Variants in FZR1 observed in about 807,000 individuals in gnomAD.
The protein encoded by FZR1 is fizzy-related protein homolog.
Under a neutral mutation model 63.6 loss-of-function variants are expected in FZR1, and 11 were observed. The ratio of observed to expected loss-of-function variants is 0.17; its 90% CI spans 0.11 to 0.29. FZR1 has a LOEUF of 0.29. Among genes scored for constraint, FZR1 ranks in the 10% least tolerant of loss-of-function variants. The pLI, the probability that FZR1 is intolerant of heterozygous loss-of-function variation, is 1.00. For synonymous variants in FZR1, 328 were observed against 297.9 expected (o/e 1.10, Z -1.04); for missense variants, 440 against 687.5 (o/e 0.64, Z 4.03).
At chr19:3,511,494 G>A (rs911058770) in intron 1 of FZR1, among the ~76,000 whole-genome samples, 1 of 152,202 alleles carries the variant, frequency 6.6e-6, no homozygotes, top group Non-Finnish European at 1.5e-5. Flanking sequence ...CTTGAGCCCA[G>A]GAGTTTGAAA....
At position 3,532,679 on chromosome 19, in the gene FZR1, A is replaced by G. The variant is rs773698980; in HGVS notation, c.1242+29A>G. ...AGCACGGGCGGCCCGGCCTCCCACC[A>G]GGCCTCAGGATGTGCGTCCTGCTGG... On this transcript the variant is annotated intron_variant, in intron 11 of 13. Transcript: ENST00000441788. The G allele has an allele frequency of 3.3e-5, 50 of 1,502,464 alleles. No homozygotes were observed. The East Asian group carries it at 1.1e-3, about 33-fold the overall frequency. 93.1% of individuals were successfully genotyped at this position (1,502,464 alleles called of 1,614,324 possible).
chr19:3,507,833 C>G (rs1205457273), intron 1 of FZR1, among the ~76,000 whole-genome samples: 1 of 152,238 alleles, frequency 6.6e-6, no homozygotes, highest in Non-Finnish European at 1.5e-5. Context: ...TGTCAGGGGC[C>G]CGTGTGTTTT....
intron 13 of FZR1, 102 bp downstream of exon 13, chr19:3,534,615 C>T: frequency 1.1e-6 from 1 of 923,210 alleles, no homozygotes; most frequent in Non-Finnish European, 1.7e-6. Flanking sequence ...TGGGTTCCCC[C>T]ACTTCCGAGC....
intron 2 of FZR1, 83 bp downstream of exon 2, chr19:3,523,141 A>G (rs1486179234): frequency 8.0e-6 from 7 of 870,152 alleles, no homozygotes; most frequent in African/African-American, 1.6e-5. Context: ...AGGTGTCCCC[A>G]CTGTCACTAA....
At chr19:3,529,282 T>C (rs1182841409) in intron 7 of FZR1, among the ~76,000 whole-genome samples, 2 of 77,762 alleles carry the variant, frequency 2.6e-5, no homozygotes, top group African/African-American at 5.2e-5. Context: ...ATGAGAGTGG[T>C]TGAGGAAGTG....
At chr19:3,508,357 G>T (rs1306633007) in intron 1 of FZR1, among the ~76,000 whole-genome samples, 2 of 151,946 alleles carry the variant, frequency 1.3e-5, no homozygotes, top group African/African-American at 4.8e-5. Flanking sequence ...CACCACGCCC[G>T]GCTATTTTTG....
At chr19:3,532,354 G>A in intron 10 of FZR1, 63 bp from the exon 11 acceptor site, 1 of 1,341,328 alleles carries the variant, frequency 7.5e-7, no homozygotes. Flanking sequence ...TCACACCTGT[G>A]AGGACCGGCC....
At chr19:3,508,500 C>G (rs1430948506) in intron 1 of FZR1, among the ~76,000 whole-genome samples, 3 of 152,198 alleles carry the variant, frequency 2.0e-5, no homozygotes, top group Non-Finnish European at 2.9e-5. Context: ...CTCGGCCTTA[C>G]GTTGATTTTC....
In FZR1 at chr19:3,525,432, C is replaced by CTTTTTT. The variant is rs57486013; in HGVS notation, c.70-413_70-408dup. 1.3e-3 allele frequency among the ~76,000 whole-genome samples: 92 copies of CTTTTTT among 68,746 alleles called. 1 individual carries two copies. The highest frequency in any genetic ancestry group is 1.9e-3 in the East Asian group (4 of 2,158). The allele number at this position is 68,746 out of a possible 152,430, so 45.1% of individuals were successfully genotyped here. ...TGTGTGGCTCCCCTCCTTGGGTTTT[C>CTTTTTT]TTTTTTTTTTTTTTTTTTTTTTTTT... On this transcript the variant is annotated intron_variant, in intron 2 of 13. Transcript: ENST00000441788. The surrounding 1 kb of genome is among the most constrained non-coding windows in gnomAD (Gnocchi z 4.2).
chr19:3,508,930 C>T (rs1354981854), intron 1 of FZR1, among the ~76,000 whole-genome samples: 3 of 152,218 alleles, frequency 2.0e-5, no homozygotes, highest in East Asian at 1.9e-4. Flanking sequence ...GCTCCGCCTC[C>T]GGCCTGCTCA....
chr19:3,526,922 G>T lies in FZR1; in HGVS notation c.388-58G>T, dbSNP rs1184933279. The T allele has an allele frequency of 2.5e-6, 3 of 1,199,900 alleles. No individual in the cohort carries two copies. The Admixed American group carries it at 5.1e-5, about 20-fold the overall frequency. The allele number at this position is 1,199,900 out of a possible 1,614,324, so 74.3% of individuals were successfully genotyped here. ...TACCGGGAGCGTGGGCTGCTGGGGGGCTCTGAGGGTCCTGCGGCCTGGGCG... is the reference window on the plus strand; with the variant it reads ...TACCGGGAGCGTGGGCTGCTGGGGGTCTCTGAGGGTCCTGCGGCCTGGGCG... On this transcript the variant is annotated intron_variant, in intron 5 of 13. Coordinates refer to ENST00000441788, the MANE Select transcript of FZR1 (RefSeq NM_016263.4). The surrounding 1 kb of genome is among the most constrained non-coding windows in gnomAD (Gnocchi z 5.4).
chr19:3,526,981 A>T lies in FZR1; in HGVS notation c.389A>T (p.Tyr130Phe). 1.2e-6 allele frequency: 2 copies of T among 1,609,530 alleles called. No individual in the cohort carries two copies. Among genetic ancestry groups the T allele is most frequent in the Non-Finnish European group, 1.7e-6 (2 of 1,177,594 alleles). ...GCTGGCATGTCCCCCGCTCCACAGT[A>T]TTCCCTTAGCACCAAGCGCTCCAGC... Reference protein sequence around the residue: ...STPEKKGLFTYSLSTKRSSPD... With the variant: ...STPEKKGLFTFSLSTKRSSPD... The change falls in exon 6 of 14, where the codon TAT (tyrosine) becomes TTT (phenylalanine). Residue 130 changes from tyrosine (Y) to phenylalanine (F), a missense_variant and splice_region_variant. Tyr to Phe is a conservative substitution (Grantham distance 22). Around this residue, in one of 5 missense-constraint regions of FZR1, gnomAD observed 200 missense variants for 245.1 expected, o/e 0.82. Transcript: ENST00000441788. This position sits in a 1 kb window ranked among gnomAD's most constrained non-coding sequence, Gnocchi z 5.4.
rs2030055773 is a variant in FZR1, at chr19:3,538,026, AGAGT to A, written c.*3194_*3197del. 6.5e-6 allele frequency: 1 copy of A among 153,652 alleles called. No individual in the cohort carries two copies. Among genetic ancestry groups the A allele is most frequent in the Non-Finnish European group, 1.4e-5 (1 of 69,344 alleles). 9.5% of individuals were successfully genotyped at this position (153,652 alleles called of 1,614,324 possible). A position where few individuals can be genotyped will look rare whatever the true frequency, so the allele number is the denominator to read the frequency against. ...ACGGCACCTGGTATGCGGGAGGAAC[AGAGT>A]GAGGAGAGGAGGGCAGGGCGTGCAG... On this transcript the variant is annotated 3_prime_UTR_variant, in exon 14 of 14. Coordinates refer to ENST00000441788, the MANE Select transcript of FZR1 (RefSeq NM_016263.4).
chr19:3,510,022 C>T (rs991056933), intron 1 of FZR1, among the ~76,000 whole-genome samples: 5 of 152,144 alleles, frequency 3.3e-5, no homozygotes, highest in African/African-American at 9.7e-5. Flanking sequence ...ATGCAACCAC[C>T]GTGAGCCCAG....
intron 1 of FZR1, among the ~76,000 whole-genome samples, chr19:3,518,014 T>TC (rs1449609182): frequency 1.4e-5 from 2 of 144,286 alleles, no homozygotes; most frequent in Non-Finnish European, 3.1e-5. Context: ...TTTCTTTCTT[T>TC]TTTTTTTTTT....
intron 1 of FZR1, among the ~76,000 whole-genome samples, chr19:3,513,776 C>T (rs1161712247): frequency 6.6e-6 from 1 of 152,150 alleles, no homozygotes; most frequent in Admixed American, 6.5e-5. Context: ...GCCGCCTCAC[C>T]TGCAGGCTGG....
At position 3,527,822 on chromosome 19, in the gene FZR1, C is replaced by A; in HGVS notation, c.654+8C>A. Reference sequence around the variant, plus strand: ...AGTGCCTGTACCAGCCAGGTGGGTGCTGCGTGGGGTGTGCATGTGCATGGG... The same window carrying A: ...AGTGCCTGTACCAGCCAGGTGGGTGATGCGTGGGGTGTGCATGTGCATGGG... On this transcript the variant is annotated splice_region_variant and intron_variant, in intron 7 of 13. Coordinates refer to ENST00000441788, the MANE Select transcript of FZR1 (RefSeq NM_016263.4). The A allele has an allele frequency of 6.2e-7, 1 of 1,603,098 alleles. No homozygotes were observed. Among genetic ancestry groups the A allele is most frequent in the Non-Finnish European group, 8.5e-7 (1 of 1,172,402 alleles).
intron 7 of FZR1, among the ~76,000 whole-genome samples, chr19:3,529,075 A>AGAGCGGATGGGAGAGCAGACGGTT (rs2083197561): frequency 8.4e-6 from 1 of 118,600 alleles, no homozygotes; most frequent in Non-Finnish European, 1.6e-5. Flanking sequence ...AGCGGATGGG[A>AGAGCGGATGGGAGAGCAGACGGTT]GAGCGGATGG....
intron 1 of FZR1, among the ~76,000 whole-genome samples, chr19:3,509,433 A>G (rs1321726567): frequency 6.6e-6 from 1 of 152,068 alleles, no homozygotes; most frequent in Non-Finnish European, 1.5e-5. Context: ...AGGCTTCTTC[A>G]CTGGCCCTTC....
Sources: allele counts gnomAD v4.1 joint callset (sites outside exome capture counted in the v4.1 genomes callset), GRCh38; gene constraint gnomAD v4.1.1; regional missense constraint gnomAD v4.1.1; non-coding constraint Gnocchi (gnomAD v3.1); transcripts MANE v1.5; gene names NCBI Gene and HGNC (gene_info 2026-07-23, HGNC 2026-07-21).